ATG4A: variants seen among roughly 807,000 people sequenced by gnomAD.
ATG4A encodes autophagy related 4A cysteine peptidase.
A neutral mutation model predicts 38.4 loss-of-function variants in ATG4A; 22 were observed. The ratio of observed to expected loss-of-function variants is 0.57; its 90% CI spans 0.41 to 0.82. ATG4A has a LOEUF of 0.82. Among genes scored for constraint, ATG4A ranks in the 40% least tolerant of loss-of-function variants. The pLI, the probability that ATG4A is intolerant of heterozygous loss-of-function variation, is 0.00. For synonymous variants in ATG4A, 86 were observed against 100.7 expected, an observed-to-expected ratio of 0.85 and a Z score of 0.88; for missense variants, 220 against 290.0, an observed-to-expected ratio of 0.76 and a Z score of 1.75.
chrX:108,134,524 C>T (rs1474032964), intron 6 of ATG4A, 113 bp downstream of exon 6: 2 of 646,602 alleles, frequency 3.1e-6, no homozygotes, highest in African/African-American at 4.5e-5. Flanking sequence ...TAAGCTACTC[C>T]TCCCACTAAA....
chrX:108,099,130 C>T (rs929638446), intron 1 of ATG4A, among the ~76,000 whole-genome samples: 5 of 111,646 alleles, frequency 4.5e-5, no homozygotes, highest in Non-Finnish European at 7.6e-5. Context: ...GATCCAGTAT[C>T]TCCACATCCT....
chrX:108,119,582 A>G lies in ATG4A; in HGVS notation c.11-6495A>G, dbSNP rs2032598331. On this transcript the variant is annotated intron_variant, in intron 1 of 12. Transcript: ENST00000372232. ...TATATAGATTTCACCACCCACTGAT[A>G]AATTAGGATGTGCTGTTTGAAAACA... 2.7e-5 allele frequency among the ~76,000 whole-genome samples: 3 copies of G among 111,761 alleles called. No individual in the cohort carries two copies. The Admixed American group carries it at 2.8e-4, about 11-fold the overall frequency.
At chrX:108,124,664 A>C (rs1220205173) in intron 1 of ATG4A, among the ~76,000 whole-genome samples, 1 of 110,664 alleles carries the variant, frequency 9.0e-6, no homozygotes, top group Non-Finnish European at 1.9e-5. Context: ...GTTGGCCAGG[A>C]TGGTCTTGAT....
In ATG4A at chrX:108,134,498, A is replaced by G. The variant is rs762099696; in HGVS notation, c.467+87A>G. On this transcript the variant is annotated intron_variant, in intron 6 of 12. Coordinates refer to ENST00000372232, the MANE Select transcript of ATG4A (RefSeq NM_052936.5). ...AACTAAACCTCCCATCAACCGAGGT[A>G]TTCTTGCAATCCCGCTAAGCTACTC... is the stretch of plus-strand genomic sequence containing the variant. 7.0e-4 allele frequency: 595 copies of G among 854,763 alleles called. 1 individual carries two copies. Among genetic ancestry groups the G allele is most frequent in the Non-Finnish European group, 8.9e-4 (532 of 600,457 alleles). 70.4% of individuals were successfully genotyped at this position (854,763 alleles called of 1,213,427 possible).
chrX:108,094,263 GTC>G (rs1569297773), intron 1 of ATG4A, among the ~76,000 whole-genome samples: 1 of 110,433 alleles, frequency 9.1e-6, no homozygotes, highest in Admixed American at 9.5e-5. Context: ...TGAGGTGAGA[GTC>G]TAAATTCATC....
At chrX:108,103,723 CTT>C (rs1276374746) in intron 1 of ATG4A, among the ~76,000 whole-genome samples, 1 of 112,475 alleles carries the variant, frequency 8.9e-6, no homozygotes, top group Non-Finnish European at 1.9e-5. Context: ...CTGAAACAAA[CTT>C]AAACTTCAAT....
upstream of ATG4A, chrX:108,091,496 T>C (rs1182161638): frequency 1.7e-6 from 2 of 1,210,727 alleles, no homozygotes; most frequent in African/African-American, 3.5e-5. Flanking sequence ...TTGCAGACCA[T>C]TAGGTTAGAC....
At chrX:108,143,096 GAA>G (rs1370621300) in intron 9 of ATG4A, among the ~76,000 whole-genome samples, 1 of 112,259 alleles carries the variant, frequency 8.9e-6, no homozygotes, top group African/African-American at 3.2e-5. Flanking sequence ...ATGCTGATGT[GAA>G]GTCAATAAAT....
At chrX:108,113,744 T>G (rs2032431754) in intron 1 of ATG4A, among the ~76,000 whole-genome samples, 1 of 111,829 alleles carries the variant, frequency 8.9e-6, no homozygotes, top group South Asian at 3.8e-4. Context: ...CAGAAACCCC[T>G]GATAAACCCA....
intron 4 of ATG4A, among the ~76,000 whole-genome samples, chrX:108,133,285 G>T (rs2033010663): frequency 8.9e-6 from 1 of 112,457 alleles, no homozygotes; most frequent in African/African-American, 3.2e-5. Context: ...CCATTAGACA[G>T]CGTTTCTAGA....
intron 9 of ATG4A, 105 bp from the exon 10 acceptor site, chrX:108,150,047 G>A (rs1284417017): frequency 3.1e-5 from 29 of 949,095 alleles, no homozygotes; most frequent in Non-Finnish European, 4.1e-5. Flanking sequence ...CATTCTCATT[G>A]TCACCAAGGG....
intron 1 of ATG4A, among the ~76,000 whole-genome samples, chrX:108,094,838 TA>T (rs1448148170): frequency 2.7e-5 from 3 of 112,958 alleles, no homozygotes; most frequent in Non-Finnish European, 5.6e-5. Flanking sequence ...GAATATGGAA[TA>T]TCCTTTGCAC....
chrX:108,094,593 C>T (rs1208329834), intron 1 of ATG4A, among the ~76,000 whole-genome samples: 1 of 111,541 alleles, frequency 9.0e-6, no homozygotes, highest in Non-Finnish European at 1.9e-5. Flanking sequence ...GTAGAAAACC[C>T]CTCAATTTTA....
chrX:108,136,122 T>C (rs2033100603), intron 6 of ATG4A, among the ~76,000 whole-genome samples: 1 of 111,253 alleles, frequency 9.0e-6, no homozygotes, highest in Non-Finnish European at 1.9e-5. Flanking sequence ...CAATTCATCA[T>C]GATCATTAGC....
intron 9 of ATG4A, among the ~76,000 whole-genome samples, chrX:108,142,236 G>A (rs183815385): frequency 3.5e-4 from 39 of 110,587 alleles, no homozygotes; most frequent in Non-Finnish European, 4.4e-4. Context: ...GTGAAATGCC[G>A]TCTATACCAA....
intron 1 of ATG4A, among the ~76,000 whole-genome samples, chrX:108,122,736 AT>A (rs2032690367): frequency 8.9e-6 from 1 of 112,167 alleles, no homozygotes; most frequent in Non-Finnish European, 1.9e-5. Context: ...CTTTTGGAAA[AT>A]GATTAGAGGC....
At chrX:108,101,375 G>C (rs901054575) in intron 1 of ATG4A, among the ~76,000 whole-genome samples, 5 of 108,287 alleles carry the variant, frequency 4.6e-5, no homozygotes, top group Non-Finnish European at 7.6e-5. Context: ...TGTTGATTTT[G>C]AGTTTTCAAT....
chrX:108,141,067 T>TACAC (rs2033265624), intron 9 of ATG4A, among the ~76,000 whole-genome samples: 1 of 34,844 alleles, frequency 2.9e-5, no homozygotes, highest in African/African-American at 1.1e-4. Context: ...CGTGTATATA[T>TACAC]ATACATATAT....
upstream of ATG4A, among the ~76,000 whole-genome samples, chrX:108,090,236 C>T (rs1223179768): frequency 1.8e-5 from 2 of 111,973 alleles, no homozygotes; most frequent in Non-Finnish European, 3.8e-5. Flanking sequence ...AATATCCGGT[C>T]TGTATTCAGA....
Sources: allele counts gnomAD v4.1 joint callset (sites outside exome capture counted in the v4.1 genomes callset), GRCh38; gene constraint gnomAD v4.1.1; transcripts MANE v1.5; gene names NCBI Gene and HGNC (gene_info 2026-07-23, HGNC 2026-07-21).